The following FAT3 variants were observed in gnomAD, a reference collection of about 807,000 sequenced individuals.
FAT3 encodes the protein FAT atypical cadherin 3.
A neutral mutation model predicts 310.2 loss-of-function variants in FAT3; 95 were observed. The ratio of observed to expected loss-of-function variants is 0.31; its 90% CI spans 0.26 to 0.36. FAT3 has a LOEUF of 0.36. Among genes scored for constraint, FAT3 ranks in the 10% least tolerant of loss-of-function variants. FAT3 has a pLI of 1.00. For missense variants in FAT3, 5,408 were observed against 5,715.6 expected (o/e 0.95, Z 1.74); for synonymous variants, 2,314 against 2,192.9 (o/e 1.06, Z -1.54).
intron 2 of FAT3, among the ~76,000 whole-genome samples, chr11:92,375,356 G>A (rs543856723): frequency 1.3e-4 from 20 of 152,150 alleles, no homozygotes; most frequent in Non-Finnish European, 2.8e-4. Flanking sequence ...TCCCAGGCTG[G>A]TCGTGAACTC....
At chr11:92,694,828 C>T (rs1275977716) in intron 3 of FAT3, among the ~76,000 whole-genome samples, 1 of 152,150 alleles carries the variant, frequency 6.6e-6, no homozygotes, top group Non-Finnish European at 1.5e-5. Flanking sequence ...GAGGAGCCCA[C>T]ACACAGGAGA....
chr11:92,403,600 A>G (rs1461564909), intron 2 of FAT3, among the ~76,000 whole-genome samples: 1 of 152,208 alleles, frequency 6.6e-6, no homozygotes, highest in Non-Finnish European at 1.5e-5. Context: ...GTTGCTATTT[A>G]CAGAGGTGGA....
intron 1 of FAT3, among the ~76,000 whole-genome samples, chr11:92,270,274 A>G (rs549554947): frequency 1.3e-5 from 2 of 151,962 alleles, no homozygotes; most frequent in African/African-American, 4.8e-5. Context: ...TGATCCTCCT[A>G]CCACCCTCTA....
intron 1 of FAT3, among the ~76,000 whole-genome samples, chr11:92,263,605 G>A (rs944858636): frequency 6.6e-6 from 1 of 150,638 alleles, no homozygotes; most frequent in African/African-American, 2.5e-5. Context: ...GATAAATGTG[G>A]TATTTGAATA....
intron 2 of FAT3, among the ~76,000 whole-genome samples, chr11:92,435,276 G>A (rs1950899784): frequency 6.6e-6 from 1 of 152,120 alleles, no homozygotes; most frequent in African/African-American, 2.4e-5. Flanking sequence ...GTCATTCTCA[G>A]GGTATGCTTA....
At chr11:92,461,299 A>G (rs750450246) in intron 2 of FAT3, among the ~76,000 whole-genome samples, 6 of 152,108 alleles carry the variant, frequency 3.9e-5, no homozygotes, top group Non-Finnish European at 8.8e-5. Flanking sequence ...CCTCCCTACC[A>G]TATCTGGTTA....
chr11:92,272,506 AATAAT>A (rs1183456658), intron 1 of FAT3, among the ~76,000 whole-genome samples: 2 of 152,108 alleles, frequency 1.3e-5, no homozygotes, highest in Non-Finnish European at 2.9e-5. Context: ...GCTTCTAATG[AATAAT>A]ATAATATAAC....
At chr11:92,519,116 T>C (rs1326815161) in intron 2 of FAT3, among the ~76,000 whole-genome samples, 1 of 152,146 alleles carries the variant, frequency 6.6e-6, no homozygotes, top group Non-Finnish European at 1.5e-5. Context: ...AAGAGCAAAG[T>C]TGGAAGACTT....
intron 2 of FAT3, among the ~76,000 whole-genome samples, chr11:92,413,741 A>G (rs1407956576): frequency 2.0e-5 from 3 of 152,220 alleles, no homozygotes; most frequent in African/African-American, 2.4e-5. Flanking sequence ...AAAGTTGAAA[A>G]TTTAAGACAC....
chr11:92,562,385 C>T (rs771574249), intron 3 of FAT3, among the ~76,000 whole-genome samples: 1 of 152,058 alleles, frequency 6.6e-6, no homozygotes, highest in African/African-American at 2.4e-5. Context: ...AAGATAAATA[C>T]GTACGGATTT....
chr11:92,472,825 C>G (rs1241027853), intron 2 of FAT3, among the ~76,000 whole-genome samples: 2 of 152,188 alleles, frequency 1.3e-5, no homozygotes, highest in East Asian at 3.9e-4. Context: ...AGACAGTAGG[C>G]AATGTTCAGC....
intron 3 of FAT3, among the ~76,000 whole-genome samples, chr11:92,622,063 C>G (rs1200230602): frequency 6.6e-6 from 1 of 152,098 alleles, no homozygotes; most frequent in Non-Finnish European, 1.5e-5. Flanking sequence ...TAATTTTCCC[C>G]CAGCACCTTA....
chr11:92,844,150 T>G lies in FAT3; in HGVS notation c.10783T>G (p.Leu3595Val), dbSNP rs1410150609. The G allele has an allele frequency of 6.2e-7, 1 of 1,613,996 alleles. No individual in the cohort carries two copies. The highest frequency in any genetic ancestry group is 8.5e-7 in the Non-Finnish European group (1 of 1,179,898). The change falls in exon 19 of 28, where the codon TTA (leucine) becomes GTA (valine). Residue 3595 changes from leucine to valine, a missense_variant. Coordinates refer to ENST00000525166, the MANE Select transcript of FAT3 (RefSeq NM_001367949.2). Reference sequence around the variant, plus strand: ...TGCCCTGAAATCGGAGCAGAAAAGCTTATTTAAAGTGAACAGTCACGATGG... The same window carrying G: ...TGCCCTGAAATCGGAGCAGAAAAGCGTATTTAAAGTGAACAGTCACGATGG... Reference protein sequence around the residue: ...TFALKSEQKSLFKVNSHDGKI... With the variant: ...TFALKSEQKSVFKVNSHDGKI...
At chr11:92,736,954 C>T (rs1315444795) in intron 4 of FAT3, among the ~76,000 whole-genome samples, 2 of 152,070 alleles carry the variant, frequency 1.3e-5, no homozygotes, top group Admixed American at 1.3e-4. Flanking sequence ...ACATTTGTTG[C>T]CATGAAGACA....
intron 2 of FAT3, among the ~76,000 whole-genome samples, chr11:92,512,856 C>T (rs1953345561): frequency 2.4e-5 from 1 of 41,456 alleles, no homozygotes; most frequent in Non-Finnish European, 4.4e-5. Flanking sequence ...GGCGCGGTGG[C>T]TCACGCCTGT....
At chr11:92,630,311 T>C (rs573529205) in intron 3 of FAT3, among the ~76,000 whole-genome samples, 1 of 152,282 alleles carries the variant, frequency 6.6e-6, no homozygotes, top group East Asian at 1.9e-4. Flanking sequence ...CTGTTGGTTT[T>C]CCCCAGGATA....
chr11:92,306,025 C>CT (rs1160055932), intron 1 of FAT3, among the ~76,000 whole-genome samples: 1 of 152,120 alleles, frequency 6.6e-6, no homozygotes, highest in East Asian at 1.9e-4. Context: ...TGTGGAAACT[C>CT]TTTGAACAAA....
intron 1 of FAT3, among the ~76,000 whole-genome samples, chr11:92,308,865 A>C (rs75110219): frequency 6.6e-6 from 1 of 152,082 alleles, no homozygotes; most frequent in Non-Finnish European, 1.5e-5. Context: ...TAAAAAAAAA[A>C]TAGCAGACCC....
Position 92,354,633 on chromosome 11 carries a change from C to T in FAT3, c.2521C>T (p.Leu841Phe), listed in dbSNP as rs1420452949. The T allele has an allele frequency of 6.2e-7, 1 of 1,613,784 alleles. No homozygotes were observed. Among genetic ancestry groups the T allele is most frequent in the Non-Finnish European group, 8.5e-7 (1 of 1,179,862 alleles). Residue 841 changes from leucine to phenylalanine, a missense_variant, in exon 2 of 28, where the codon CTT becomes TTT. Leu to Phe is a conservative substitution (Grantham distance 22, BLOSUM62 0). Around this residue, in one of 5 missense-constraint regions of FAT3, gnomAD observed 4,588 missense variants for 4,809.8 expected, o/e 0.95. Coordinates refer to ENST00000525166, the MANE Select transcript of FAT3 (RefSeq NM_001367949.2). The stretch of plus-strand genomic sequence containing the variant: ...TCAAGACAGTTACTCAGTTAACATT[C>T]TTGAAAGTTCAGGCATTGGTACTGA... ...FIQDSYSVNI[L>F]ESSGIGTEII...
Sources: gnomAD v4.1 joint callset for allele counts (sites outside exome capture counted in the v4.1 genomes callset) on GRCh38, gnomAD v4.1.1 for gene constraint, gnomAD v4.1.1 regional missense constraint, MANE v1.5 for transcripts, NCBI Gene and HGNC (gene_info 2026-07-23, HGNC 2026-07-21) for gene names.